PKD1L1: variants seen among roughly 807,000 people sequenced by gnomAD.
PKD1L1 encodes the protein polycystin-1-like protein 1.
PKD1L1 carries 236 observed loss-of-function variants against 323.4 expected under a neutral mutation model. That is an observed-to-expected ratio of 0.73 (90% CI 0.66 to 0.81). PKD1L1 has a LOEUF of 0.81. PKD1L1 is among the 40% of genes least tolerant of loss of function. The probability of loss-of-function intolerance (pLI) is 0.00; values close to 1 mark genes in which losing one functional copy is unlikely to be tolerated. For missense variants in PKD1L1, 3,320 were observed against 3,508.0 expected, an observed-to-expected ratio of 0.95 and a Z score of 1.35; for synonymous variants, 1,344 against 1,335.0, an observed-to-expected ratio of 1.01 and a Z score of -0.15.
At chr7:47,897,442 C>T (rs1786981689) in intron 14 of PKD1L1, among the ~76,000 whole-genome samples, 2 of 152,208 alleles carry the variant, frequency 1.3e-5, no homozygotes, top group African/African-American at 4.8e-5. Flanking sequence ...CTCCCAATCC[C>T]TTTCTATGTC....
intron 56 of PKD1L1, 35 bp downstream of exon 56, chr7:47,792,592 A>C: frequency 6.4e-7 from 1 of 1,559,202 alleles, no homozygotes. Context: ...ATTGCTATGA[A>C]GAAAATTGAC....
At chr7:47,819,334 G>A (rs1785090225) in intron 46 of PKD1L1, among the ~76,000 whole-genome samples, 1 of 152,184 alleles carries the variant, frequency 6.6e-6, no homozygotes, top group Admixed American at 6.5e-5. Flanking sequence ...TATCTCAGCT[G>A]CGATATTTCT....
At chr7:47,785,448 A>C (rs559522802) in intron 56 of PKD1L1, among the ~76,000 whole-genome samples, 55 of 152,344 alleles carry the variant, frequency 3.6e-4, no homozygotes, top group African/African-American at 1.3e-3. Flanking sequence ...AATAGTCTCT[A>C]TTAAAGCTAT....
At chr7:47,807,554 A>G (rs1030144850) in intron 52 of PKD1L1, among the ~76,000 whole-genome samples, 3 of 152,134 alleles carry the variant, frequency 2.0e-5, no homozygotes, top group Non-Finnish European at 4.4e-5. Flanking sequence ...GGGAGGGGCT[A>G]GATCTGAGGG....
In PKD1L1 at chr7:47,936,838, T is replaced by C. The variant is rs1787876134; in HGVS notation, c.398+8A>G. 1 of 1,587,348 alleles carries C rather than the reference T, an allele frequency of 6.3e-7. No homozygotes were observed. On this transcript the variant is annotated splice_region_variant and intron_variant, in intron 4 of 56. Coordinates refer to ENST00000289672, the MANE Select transcript of PKD1L1 (RefSeq NM_138295.5). ...AAAGCAATATTTCGCCATGGTACAT[T>C]GACATACCTATCAGCACTGTTATCA...
In PKD1L1 at chr7:47,834,352, T is replaced by C. The variant is rs780702494; in HGVS notation, c.6161A>G (p.Gln2054Arg). The C allele has an allele frequency of 2.5e-6, 4 of 1,613,996 alleles. No individual in the cohort carries two copies. The highest frequency in any genetic ancestry group is 3.4e-6 in the Non-Finnish European group (4 of 1,179,866). ...TGATTGATTTACCTTGCGTGGCTCCTGTGCGTCTGGTATCCTTCCCCAGGA... is the reference window on the plus strand; with the variant it reads ...TGATTGATTTACCTTGCGTGGCTCCCGTGCGTCTGGTATCCTTCCCCAGGA... ...PNSWGRIPDAQEPRKQPASAI... is the reference protein window; with the variant it reads ...PNSWGRIPDAREPRKQPASAI... The change falls in exon 40 of 57, where the codon CAG (glutamine) becomes CGG (arginine). Residue 2054 changes from glutamine to arginine, a missense_variant. Transcript: ENST00000289672.
rs375626000 is a variant in PKD1L1 at position 47,905,349 on chromosome 7, T to C, written c.1523-24A>G. 7 of 1,609,198 alleles carry C rather than the reference T, an allele frequency of 4.3e-6. No homozygotes were observed. The African/African-American group carries it at 6.7e-5, about 15-fold the overall frequency. On this transcript the variant is annotated intron_variant, in intron 10 of 56. Coordinates refer to ENST00000289672, the MANE Select transcript of PKD1L1 (RefSeq NM_138295.5). ...GGCTGTGGCAAAAGAAAGGAAGGTA[T>C]GTCTATGTCAACATAGGAGGGCTGG...
intron 24 of PKD1L1, among the ~76,000 whole-genome samples, chr7:47,872,487 T>C (rs1039519629): frequency 3.3e-5 from 5 of 152,354 alleles, no homozygotes; most frequent in Middle Eastern, 3.4e-3. Context: ...ACAAACGTTT[T>C]AATTAGGTTA....
chr7:47,830,175 C>G, intron 42 of PKD1L1, 51 bp from the exon 43 acceptor site: 1 of 1,488,650 alleles, frequency 6.7e-7, no homozygotes, highest in Non-Finnish European at 9.3e-7. Flanking sequence ...GAGCAGGCCA[C>G]CCAGCAGTCA....
chr7:47,940,209 G>T lies in PKD1L1; in HGVS notation c.269C>A (p.Ser90Ter). The part of the protein sequence containing the change: ...EDRESQSPSS[S>*]ASRQKNIWKT... Reference sequence around the variant, plus strand: ...CAGGAATACCTTCTGCCTGGAAGCTGATGAGGATGGGCTCTGTGATTCCCG... The same window carrying T: ...CAGGAATACCTTCTGCCTGGAAGCTTATGAGGATGGGCTCTGTGATTCCCG... Residue 90 changes from serine to a stop codon, truncating the protein, a stop_gained, in exon 3 of 57, where the codon TCA (serine) becomes TAA (stop). Coordinates refer to ENST00000289672, the MANE Select transcript of PKD1L1 (RefSeq NM_138295.5). LOFTEE classifies it high-confidence loss of function. The T allele has an allele frequency of 6.2e-7, 1 of 1,614,192 alleles. No individual in the cohort carries two copies. Among genetic ancestry groups the T allele is most frequent in the Non-Finnish European group, 8.5e-7 (1 of 1,180,034 alleles).
At chr7:47,795,344 C>T (rs1403952090) in intron 55 of PKD1L1, 4 of 455,194 alleles carry the variant, frequency 8.8e-6, no homozygotes, top group African/African-American at 4.0e-5. Flanking sequence ...TAATGGGTTT[C>T]CACTTTTGCA....
At chr7:47,826,380 C>T (rs1785241429) in intron 45 of PKD1L1, among the ~76,000 whole-genome samples, 1 of 152,082 alleles carries the variant, frequency 6.6e-6, no homozygotes, top group Admixed American at 6.6e-5. Context: ...AAAAACTTGG[C>T]CACTGCTCCA....
intron 52 of PKD1L1, among the ~76,000 whole-genome samples, chr7:47,806,413 C>G (rs1260036736): frequency 6.6e-6 from 1 of 152,164 alleles, no homozygotes; most frequent in Non-Finnish European, 1.5e-5. Flanking sequence ...CAGGACCATG[C>G]AAGACTACAG....
In PKD1L1 at chr7:47,845,875, C is replaced by T. The variant is rs186745962; in HGVS notation, c.5154-797G>A. On this transcript the variant is annotated intron_variant, in intron 32 of 56. Coordinates refer to ENST00000289672, the MANE Select transcript of PKD1L1 (RefSeq NM_138295.5). ...AGATTACAGGCATGAGCCACCACGC[C>T]TGGCCTGTTATTCATTTTTGTACCC... Among the ~76,000 whole-genome samples the T allele has an allele frequency of 3.2e-4, 49 of 152,242 alleles. 1 individual carries two copies. The highest frequency in any genetic ancestry group is 9.9e-4 in the African/African-American group (41 of 41,552).
chr7:47,929,714 C>T (rs903032670), intron 6 of PKD1L1, among the ~76,000 whole-genome samples, 188 bp from the exon 7 acceptor site: 4 of 152,244 alleles, frequency 2.6e-5, no homozygotes, highest in East Asian at 3.9e-4. Context: ...ATCACCTGGG[C>T]GCTTGTGAGA....
chr7:47,785,744 C>CTTTTT (rs58949004), intron 56 of PKD1L1, among the ~76,000 whole-genome samples: 4 of 141,172 alleles, frequency 2.8e-5, no homozygotes, highest in Non-Finnish European at 6.2e-5. Flanking sequence ...ATATTTCTTT[C>CTTTTT]TTTTTTTTTT....
intron 24 of PKD1L1, among the ~76,000 whole-genome samples, chr7:47,867,729 GT>G (rs1786197286): frequency 6.6e-6 from 1 of 152,106 alleles, no homozygotes; most frequent in Admixed American, 6.5e-5. Context: ...ACAATGTTTA[GT>G]CAAATAGAGA....
Position 47,902,394 on chromosome 7 carries a change from C to A in PKD1L1, c.2049G>T (p.Gly683=). Residue 683 remains glycine, a synonymous_variant, in exon 13 of 57, where the codon GGG becomes GGT. Transcript: ENST00000289672. ...PCQPPLVKNM[G]PGKVQIWRSQ... ...CCGAGCCTACCTGGACTTTCCCAGG[C>A]CCCATGTTCTTCACCAGGGGTGGCT... 6.2e-7 allele frequency: 1 copy of A among 1,614,124 alleles called. No individual in the cohort carries two copies. The highest frequency in any genetic ancestry group is 2.2e-5 in the East Asian group (1 of 44,876).
At chr7:47,842,536 C>T (rs1785583006) in intron 34 of PKD1L1, among the ~76,000 whole-genome samples, 2 of 152,316 alleles carry the variant, frequency 1.3e-5, no homozygotes, top group Non-Finnish European at 2.9e-5. Context: ...ACCCCTGCTC[C>T]ACTGGGCCCA....
Sources: gnomAD v4.1 joint callset for allele counts (sites outside exome capture counted in the v4.1 genomes callset) on GRCh38, gnomAD v4.1.1 for gene constraint, MANE v1.5 for transcripts, NCBI Gene and HGNC (gene_info 2026-07-23, HGNC 2026-07-21) for gene names.